The following MTMR2 variants were observed in gnomAD, a reference collection of about 807,000 sequenced individuals.
The protein encoded by MTMR2 is myotubularin related protein 2, also known as phosphatidylinositol-3,5-bisphosphate 3-phosphatase MTMR2.
In MTMR2, 55 loss-of-function variants were observed where a neutral mutation model predicts 86.9. The ratio of observed to expected loss-of-function variants is 0.63; its 90% CI spans 0.51 to 0.79. MTMR2 has a LOEUF of 0.79. MTMR2 is among the 30% of genes least tolerant of loss of function. MTMR2 has a pLI of 0.00. For missense variants in MTMR2, 659 were observed against 772.3 expected (o/e 0.85, Z 1.74); for synonymous variants, 241 against 266.8 (o/e 0.90, Z 0.94).
intron 1 of MTMR2, among the ~76,000 whole-genome samples, chr11:95,919,576 C>G (rs1335761745): frequency 2.0e-5 from 3 of 152,102 alleles, no homozygotes; most frequent in Middle Eastern, 3.4e-3. Context: ...GCAAAAGGGG[C>G]AAAAGTAATC....
intron 12 of MTMR2, among the ~76,000 whole-genome samples, chr11:95,840,640 C>A (rs950102811): frequency 1.3e-5 from 2 of 152,020 alleles, no homozygotes; most frequent in African/African-American, 4.8e-5. Context: ...CCAACAGTTT[C>A]TAAATAATTC....
chr11:95,912,441 A>G (rs186540739), intron 1 of MTMR2, among the ~76,000 whole-genome samples: 1 of 151,896 alleles, frequency 6.6e-6, no homozygotes, highest in East Asian at 1.9e-4. Flanking sequence ...TCAATAGGCT[A>G]TTTTAAAATG....
intron 2 of MTMR2, among the ~76,000 whole-genome samples, chr11:95,882,827 A>G (rs1865380365): frequency 1.5e-5 from 2 of 136,074 alleles, no homozygotes; most frequent in Non-Finnish European, 3.1e-5. Flanking sequence ...GGTTCACGCC[A>G]TTTTCCTGCC....
chr11:95,844,634 A>G (rs76084923), intron 11 of MTMR2, among the ~76,000 whole-genome samples: 1,628 of 152,236 alleles, frequency 0.011, 27 homozygotes, highest in Non-Finnish European at 0.011. Flanking sequence ...GCATCTGGGT[A>G]AAGACCCTTC....
Position 95,834,907 on chromosome 11 carries a change from G to A in MTMR2, c.*383C>T, listed in dbSNP as rs1026471859. ...GTGATGCCACAGAATTTCAGTGTTG[G>A]TTTGAAAACTGATGTTCCTCTGCAC... is the stretch of plus-strand genomic sequence containing the variant. On this transcript the variant is annotated 3_prime_UTR_variant, in exon 15 of 15. Transcript: ENST00000346299. 1.2e-5 allele frequency: 3 copies of A among 242,712 alleles called. No homozygotes were observed. The East Asian group carries it at 2.8e-4, about 23-fold the overall frequency. The allele number at this position is 242,712 out of a possible 1,614,324, so 15.0% of individuals were successfully genotyped here. A position where few individuals can be genotyped will look rare whatever the true frequency, so the allele number is the denominator to read the frequency against.
rs78015464 is a variant in MTMR2, at chr11:95,835,504, G to T, written c.1771-53C>A. On this transcript the variant is annotated intron_variant, in intron 14 of 14. Transcript: ENST00000346299. ...ACTAGGCAATCCTGACCAAAGCCAG[G>T]TCAAATCATTCCCTAAATGTTGCAG... 2.8e-4 allele frequency: 444 copies of T among 1,561,932 alleles called. No individual in the cohort carries two copies. The African/African-American group carries it at 5.3e-3, about 19-fold the overall frequency.
intron 7 of MTMR2, among the ~76,000 whole-genome samples, chr11:95,852,880 C>T (rs1353363060): frequency 6.6e-6 from 1 of 151,846 alleles, no homozygotes; most frequent in African/African-American, 2.4e-5. Context: ...TTCTATTATA[C>T]AAAACTTAGC....
intron 10 of MTMR2, among the ~76,000 whole-genome samples, chr11:95,845,681 TTA>T (rs1863755774): frequency 6.8e-6 from 1 of 146,826 alleles, no homozygotes; most frequent in Non-Finnish European, 1.5e-5. Flanking sequence ...AGTATAAACT[TTA>T]GAGTGAGCTA....
rs111549541 is a variant in MTMR2, at chr11:95,875,431, C to T, written c.187-9755G>A. Among the ~76,000 whole-genome samples the T allele has an allele frequency of 5.8e-3, 890 of 152,230 alleles. 5 individuals are homozygous for T. The highest frequency in any genetic ancestry group is 8.7e-3 in the African/African-American group (361 of 41,538). On this transcript the variant is annotated intron_variant, in intron 2 of 14. Coordinates refer to ENST00000346299, the MANE Select transcript of MTMR2 (RefSeq NM_016156.6). ...CATTCGTCACGTAGTTCTCATGCCACGGTTTTCAGCTCCATCAGGTCCTTT... is the reference window on the plus strand; with the variant it reads ...CATTCGTCACGTAGTTCTCATGCCATGGTTTTCAGCTCCATCAGGTCCTTT...
At chr11:95,890,780 T>C (rs960616752) in intron 1 of MTMR2, among the ~76,000 whole-genome samples, 1 of 152,220 alleles carries the variant, frequency 6.6e-6, no homozygotes, top group Non-Finnish European at 1.5e-5. Flanking sequence ...TGTGTGTGCC[T>C]GTAGTCCAAG....
At position 95,849,747 on chromosome 11, in the gene MTMR2, A is replaced by C. The variant is rs754993979; in HGVS notation, c.920T>G (p.Met307Arg). 2 of 1,614,108 alleles carry C rather than the reference A, an allele frequency of 1.2e-6. No individual in the cohort carries two copies. Among genetic ancestry groups the C allele is most frequent in the Non-Finnish European group, 1.7e-6 (2 of 1,179,966 alleles). ...TTTGTGAGACTGGGCATTGGAATCC[A>C]TGATAGCTTGAAGGTATTTTTCATC... ...KEDEKYLQAI[M>R]DSNAQSHKIF... Residue 307 changes from methionine (M) to arginine (R), a missense_variant, in exon 9 of 15, where the codon ATG (methionine) becomes AGG (arginine). Met to Arg is a moderately conservative substitution (Grantham distance 91). Coordinates refer to ENST00000346299, the MANE Select transcript of MTMR2 (RefSeq NM_016156.6).
At chr11:95,892,122 G>C (rs919354353) in intron 1 of MTMR2, among the ~76,000 whole-genome samples, 1 of 152,062 alleles carries the variant, frequency 6.6e-6, no homozygotes, top group African/African-American at 2.4e-5. Context: ...AATTTCCACT[G>C]CTTTTTTTCC....
intron 1 of MTMR2, among the ~76,000 whole-genome samples, chr11:95,893,634 T>TA (rs1336651541): frequency 6.6e-6 from 1 of 152,214 alleles, no homozygotes; most frequent in African/African-American, 2.4e-5. Flanking sequence ...ACTTAGGACT[T>TA]ACGATTAGAA....
chr11:95,860,540 T>A (rs947845925), intron 5 of MTMR2, among the ~76,000 whole-genome samples: 2 of 152,044 alleles, frequency 1.3e-5, no homozygotes, highest in Non-Finnish European at 2.9e-5. Flanking sequence ...ACTAAGTCAT[T>A]AGCTTTAATA....
At chr11:95,909,938 T>C (rs1490151052) in intron 1 of MTMR2, among the ~76,000 whole-genome samples, 1 of 152,094 alleles carries the variant, frequency 6.6e-6, no homozygotes, top group African/African-American at 2.4e-5. Context: ...AGCAAAGCAC[T>C]AGGCCCTAAA....
Position 95,850,608 on chromosome 11 carries a change from G to C in MTMR2, c.796C>G (p.Arg266Gly). ...CCAAACTTCCTACTTACTGGGATACGGCCTCTTGATCTGAAGGATGCCACT... is the reference window on the plus strand; with the variant it reads ...CCAAACTTCCTACTTACTGGGATACCGCCTCTTGATCTGAAGGATGCCACT... Reference protein sequence around the residue: ...KRVASFRSRGRIPVLSWIHPE... With the variant: ...KRVASFRSRGGIPVLSWIHPE... The change falls in exon 8 of 15, where the codon CGT (arginine) becomes GGT (glycine). Residue 266 changes from arginine (R) to glycine (G), a missense_variant. This residue lies in a region of MTMR2 where 387 missense variants were observed against 526.3 expected (regional missense o/e 0.74). Transcript: ENST00000346299. 1.2e-6 allele frequency: 2 copies of C among 1,613,976 alleles called. No individual in the cohort carries two copies. Among genetic ancestry groups the C allele is most frequent in the Non-Finnish European group, 1.7e-6 (2 of 1,179,980 alleles).
At chr11:95,841,528 A>AT in intron 12 of MTMR2, 89 bp downstream of exon 12, 1 of 902,734 alleles carries the variant, frequency 1.1e-6, no homozygotes, top group Non-Finnish European at 1.9e-6. Context: ...CCATTTAATG[A>AT]TCTATAGGCT....
intron 5 of MTMR2, among the ~76,000 whole-genome samples, chr11:95,859,939 G>C (rs1864347524): frequency 1.3e-5 from 2 of 152,080 alleles, no homozygotes; most frequent in African/African-American, 4.8e-5. Context: ...TTTATAACTA[G>C]GTGAGATACT....
intron 2 of MTMR2, 124 bp from the exon 3 acceptor site, chr11:95,865,800 C>A (rs1939639706): frequency 3.8e-6 from 3 of 798,774 alleles, no homozygotes; most frequent in South Asian, 3.1e-5. Flanking sequence ...TATTTTAAAT[C>A]AAATTTGTTA....
Sources: gnomAD v4.1 joint callset for allele counts (sites outside exome capture counted in the v4.1 genomes callset) on GRCh38, gnomAD v4.1.1 for gene constraint, gnomAD v4.1.1 regional missense constraint, MANE v1.5 for transcripts, NCBI Gene and HGNC (gene_info 2026-07-23, HGNC 2026-07-21) for gene names.